Variants in ATRNL1 observed in about 807,000 individuals in gnomAD.
The protein encoded by ATRNL1 is attractin like 1.
Under a neutral mutation model 182.7 loss-of-function variants are expected in ATRNL1, and 95 were observed. The observed-to-expected ratio is 0.52, with a 90% confidence interval of 0.44 to 0.62. The LOEUF is 0.62. Ranked by LOEUF, ATRNL1 falls within the 20% of genes least tolerant of loss-of-function variation. The probability of loss-of-function intolerance (pLI) is 0.00; values close to 1 mark genes in which losing one functional copy is unlikely to be tolerated. For synonymous variants in ATRNL1, 576 were observed against 568.3 expected, an observed-to-expected ratio of 1.01 and a Z score of -0.19; for missense variants, 1,471 against 1,679.5, an observed-to-expected ratio of 0.88 and a Z score of 2.17.
At chr10:115,476,423 C>T (rs1338897656) in intron 24 of ATRNL1, among the ~76,000 whole-genome samples, 5 of 151,218 alleles carry the variant, frequency 3.3e-5, no homozygotes, top group African/African-American at 1.2e-4. Context: ...GATTCTTATT[C>T]AATGTCTGAG....
At chr10:115,926,436 AC>A (rs1555120178) in intron 28 of ATRNL1, among the ~76,000 whole-genome samples, 1 of 152,150 alleles carries the variant, frequency 6.6e-6, no homozygotes, top group Non-Finnish European at 1.5e-5. Flanking sequence ...AGATAGAGAC[AC>A]AAAAAAAACC....
intron 25 of ATRNL1, among the ~76,000 whole-genome samples, chr10:115,542,118 G>T (rs559851005): frequency 2.6e-5 from 4 of 152,160 alleles, no homozygotes; most frequent in East Asian, 1.9e-4. Context: ...CTTGTAATAG[G>T]ACTTACCCAG....
At chr10:115,775,206 T>G (rs1268554712) in intron 27 of ATRNL1, among the ~76,000 whole-genome samples, 1 of 152,220 alleles carries the variant, frequency 6.6e-6, no homozygotes, top group Non-Finnish European at 1.5e-5. Flanking sequence ...AACATATAGC[T>G]TTAGCTTGTC....
At chr10:115,617,852 T>C (rs1191017824) in intron 26 of ATRNL1, among the ~76,000 whole-genome samples, 1 of 152,188 alleles carries the variant, frequency 6.6e-6, no homozygotes, top group African/African-American at 2.4e-5. Flanking sequence ...TTACTTTGTT[T>C]GGATCTGTGT....
chr10:115,245,881 A>G (rs1564847630), intron 10 of ATRNL1, among the ~76,000 whole-genome samples: 1 of 152,188 alleles, frequency 6.6e-6, no homozygotes, highest in East Asian at 1.9e-4. Flanking sequence ...ATTTCTTTGT[A>G]GATCAGGAAA....
chr10:115,856,450 A>AAAAAAAT (rs56927270), intron 28 of ATRNL1, among the ~76,000 whole-genome samples: 4 of 147,424 alleles, frequency 2.7e-5, no homozygotes, highest in East Asian at 2.0e-4. Context: ...AAAAAAAAAA[A>AAAAAAAT]GCCATACATA....
At chr10:115,186,026 G>C (rs1200127716) in intron 8 of ATRNL1, among the ~76,000 whole-genome samples, 1 of 152,018 alleles carries the variant, frequency 6.6e-6, no homozygotes. Flanking sequence ...GCAAGCCATA[G>C]ATAAGTAACT....
At chr10:115,399,859 C>T (rs577310746) in intron 20 of ATRNL1, among the ~76,000 whole-genome samples, 51 of 151,826 alleles carry the variant, frequency 3.4e-4, no homozygotes, top group African/African-American at 1.2e-3. Flanking sequence ...TAGGCAATGC[C>T]GTTTAGGACA....
At position 115,307,290 on chromosome 10, in the gene ATRNL1, TC is replaced by T. The variant is rs1853781809; in HGVS notation, c.2818+5248del. ...TGGTTTTTGTTTTTTTGAGACAGAG[TC>T]TCGCTCTGTCACCCAGGCTGGAGTG... On this transcript the variant is annotated intron_variant, in intron 17 of 28. Transcript: ENST00000355044. Among the ~76,000 whole-genome samples, 5 of 152,186 alleles carry T rather than the reference TC, an allele frequency of 3.3e-5. No homozygotes were observed. In the South Asian group the frequency reaches 1.0e-3, roughly 32 times the overall value.
chr10:115,191,983 A>G (rs1341385597), intron 8 of ATRNL1, among the ~76,000 whole-genome samples: 1 of 152,062 alleles, frequency 6.6e-6, no homozygotes, highest in African/African-American at 2.4e-5. Context: ...AACTTTGTAT[A>G]TTCTGGTTAT....
At chr10:115,332,833 T>C (rs927625224) in intron 18 of ATRNL1, among the ~76,000 whole-genome samples, 22 of 152,242 alleles carry the variant, frequency 1.4e-4, no homozygotes, top group Non-Finnish European at 1.9e-4. Flanking sequence ...TGTTTTTTTT[T>C]TACATTCAAT....
chr10:115,518,578 G>A (rs1554984421), intron 24 of ATRNL1, among the ~76,000 whole-genome samples: 1 of 151,594 alleles, frequency 6.6e-6, no homozygotes, highest in African/African-American at 2.4e-5. Flanking sequence ...ATTACCATTC[G>A]CATATGGGAA....
At chr10:115,095,571 A>T (rs1437083773) in intron 1 of ATRNL1, among the ~76,000 whole-genome samples, 3 of 152,152 alleles carry the variant, frequency 2.0e-5, no homozygotes, top group African/African-American at 7.2e-5. Flanking sequence ...TAGGGTTTAT[A>T]CTTTAAAGGT....
chr10:115,648,062 C>T (rs1293556162), intron 26 of ATRNL1, among the ~76,000 whole-genome samples: 1 of 152,036 alleles, frequency 6.6e-6, no homozygotes, highest in African/African-American at 2.4e-5. Context: ...AATTTTTTCC[C>T]CATTTCTTGT....
chr10:115,137,836 C>A (rs1554877088), intron 5 of ATRNL1, among the ~76,000 whole-genome samples: 1 of 152,162 alleles, frequency 6.6e-6, no homozygotes, highest in Non-Finnish European at 1.5e-5. Flanking sequence ...TCCCAACAGT[C>A]CCCCGAAGTC....
At chr10:115,166,397 A>AT (rs770626077) in intron 7 of ATRNL1, among the ~76,000 whole-genome samples, 18 of 147,372 alleles carry the variant, frequency 1.2e-4, no homozygotes, top group Admixed American at 4.1e-4. Flanking sequence ...CTCTGTTTTC[A>AT]TTTTTTTTTG....
chr10:115,368,894 A>G (rs1192119079), intron 19 of ATRNL1, among the ~76,000 whole-genome samples: 4 of 151,928 alleles, frequency 2.6e-5, no homozygotes, highest in Non-Finnish European at 5.9e-5. Context: ...TTGTATATTT[A>G]GTAGAGACGG....
intron 19 of ATRNL1, among the ~76,000 whole-genome samples, chr10:115,374,412 T>G (rs1554948928): frequency 6.6e-6 from 1 of 151,404 alleles, no homozygotes; most frequent in East Asian, 1.9e-4. Context: ...GGACTCAACT[T>G]TCTTTTCCTT....
At position 115,774,283 on chromosome 10, in the gene ATRNL1, C is replaced by T. The variant is rs541020932; in HGVS notation, c.3903+46928C>T. Among the ~76,000 whole-genome samples the T allele has an allele frequency of 2.0e-5, 3 of 151,894 alleles. No individual in the cohort carries two copies. The South Asian group carries it at 6.2e-4, about 32-fold the overall frequency. ...TCTCTACTAAAAGTACAAAAATTAG[C>T]CAGGCATGATGGCAGGCACCTGTAA... On this transcript the variant is annotated intron_variant, in intron 27 of 28. Coordinates refer to ENST00000355044, the MANE Select transcript of ATRNL1 (RefSeq NM_207303.4).
Sources: gnomAD v4.1 joint callset for allele counts (sites outside exome capture counted in the v4.1 genomes callset) on GRCh38, gnomAD v4.1.1 for gene constraint, MANE v1.5 for transcripts, NCBI Gene and HGNC (gene_info 2026-07-23, HGNC 2026-07-21) for gene names.